RTBDN: variants seen among roughly 807,000 people sequenced by gnomAD.
RTBDN encodes retbindin.
RTBDN carries 24 observed loss-of-function variants against 21.9 expected under a neutral mutation model. The ratio of observed to expected loss-of-function variants is 1.10; its 90% CI spans 0.79 to 1.54. The LOEUF is 1.54. Ranked by LOEUF, RTBDN falls within the 40% of genes most tolerant of loss-of-function variation. RTBDN has a pLI of 0.00. For synonymous variants in RTBDN, 141 were observed against 125.9 expected, an observed-to-expected ratio of 1.12 and a Z score of -0.80; for missense variants, 325 against 315.2, an observed-to-expected ratio of 1.03 and a Z score of -0.23.
chr19:12,826,841 G>A lies in RTBDN; in HGVS notation c.396C>T (p.Cys132=), dbSNP rs754317861. The A allele has an allele frequency of 7.7e-6, 12 of 1,553,562 alleles. No homozygotes were observed. Among genetic ancestry groups the A allele is most frequent in the East Asian group, 4.9e-5 (2 of 41,126 alleles). The change falls in exon 5 of 6, where the codon TGC becomes TGT. Residue 132 remains cysteine, a synonymous_variant. Coordinates refer to ENST00000674343, the MANE Select transcript of RTBDN (RefSeq NM_001270441.2). The part of the protein sequence containing the change: ...WFANCEDDIT[C]GPTWLPLSEK... Reference sequence around the variant, plus strand: ...CTGAGAGTGGGAGCCAAGTCGGGCCGCAGGTGATATCATCTTCGCAGTTGG... The same window carrying A: ...CTGAGAGTGGGAGCCAAGTCGGGCCACAGGTGATATCATCTTCGCAGTTGG...
In RTBDN at chr19:12,825,721, G is replaced by A; in HGVS notation, c.675C>T (p.Ser225=). 6.3e-7 allele frequency: 1 copy of A among 1,581,298 alleles called. No homozygotes were observed. Among genetic ancestry groups the A allele is most frequent in the Non-Finnish European group, 8.6e-7 (1 of 1,165,324 alleles). ...CACGCGTCCGCTAGGGGCCGCTGCC[G>A]CTTCCACTGCCACTCCCGCTGCCCG... ...DAAGSGSGSG[S]GSGP Residue 225 remains serine (S), a synonymous_variant, in exon 6 of 6, where the codon AGC becomes AGT. Transcript: ENST00000674343.
At position 12,830,455 on chromosome 19, in the gene RTBDN, G is replaced by T; in HGVS notation, c.-18-458C>A. The T allele has an allele frequency of 4.0e-6, 4 of 987,698 alleles. No homozygotes were observed. Among genetic ancestry groups the T allele is most frequent in the Non-Finnish European group, 4.8e-6 (4 of 831,436 alleles). The allele number at this position is 987,698 out of a possible 1,614,324, so 61.2% of individuals were successfully genotyped here. On this transcript the variant is annotated intron_variant, in intron 1 of 5. Coordinates refer to ENST00000674343, the MANE Select transcript of RTBDN (RefSeq NM_001270441.2). The surrounding 1 kb of genome is among the most constrained non-coding windows in gnomAD (Gnocchi z 4.2). ...GGTCACCTTCTCTCGGCCCACAATCGGCTTAGGGGCCACCCAGAGCTGGAC... is the reference window on the plus strand; with the variant it reads ...GGTCACCTTCTCTCGGCCCACAATCTGCTTAGGGGCCACCCAGAGCTGGAC...
In RTBDN at chr19:12,830,480, C is replaced by G; in HGVS notation, c.-18-483G>C. 1.0e-6 allele frequency: 1 copy of G among 986,376 alleles called. No individual in the cohort carries two copies. The highest frequency in any genetic ancestry group is 1.2e-6 in the Non-Finnish European group (1 of 830,540). 61.1% of individuals were successfully genotyped at this position (986,376 alleles called of 1,614,324 possible). ...GGCTTAGGGGCCACCCAGAGCTGGA[C>G]CTTTGGGACCAAGGCTGGTGTGGCA... is the stretch of plus-strand genomic sequence containing the variant. On this transcript the variant is annotated intron_variant, in intron 1 of 5. Transcript: ENST00000674343. The surrounding 1 kb of genome is among the most constrained non-coding windows in gnomAD (Gnocchi z 4.2).
Position 12,834,382 on chromosome 19 carries a change from G to T in RTBDN, c.-19+107C>A. The T allele has an allele frequency of 1.2e-6, 1 of 831,612 alleles. No individual in the cohort carries two copies. The highest frequency in any genetic ancestry group is 1.9e-6 in the Non-Finnish European group (1 of 521,514). 51.5% of individuals were successfully genotyped at this position (831,612 alleles called of 1,614,324 possible). ...TGCCCTAGGGCTCATGCCCCTCGGG[G>T]CCATCGGCGCCGCTGGAGGCGTAAA... On this transcript the variant is annotated intron_variant, in intron 1 of 5. Transcript: ENST00000674343. This position sits in a 1 kb window ranked among gnomAD's most constrained non-coding sequence, Gnocchi z 4.7.
Position 12,829,858 on chromosome 19 carries a change from T to A in RTBDN, c.122A>T (p.His41Leu), listed in dbSNP as rs774488377. The A allele has an allele frequency of 6.2e-7, 1 of 1,614,112 alleles. No individual in the cohort carries two copies. The highest frequency in any genetic ancestry group is 1.7e-5 in the Admixed American group (1 of 60,018). ...SRPLQARSQQ[H>L]HGLAADLGKG... ...GCCCAGATCAGCTGCCAGCCCATGGTGTTGCTGGGACCTGGCTTGGAGTGG... is the reference window on the plus strand; with the variant it reads ...GCCCAGATCAGCTGCCAGCCCATGGAGTTGCTGGGACCTGGCTTGGAGTGG... The change falls in exon 2 of 6, where the codon CAC becomes CTC. Residue 41 changes from histidine (H) to leucine (L), a missense_variant. His to Leu is a moderately conservative substitution (Grantham distance 99). Transcript: ENST00000674343.
At chr19:12,835,108 C>A (rs1479110373), upstream of RTBDN, 1 of 1,612,922 alleles carries the variant, frequency 6.2e-7, no homozygotes, top group Non-Finnish European at 8.5e-7. Context: ...TTTCTAGACT[C>A]CCCTAATCCA....
Position 12,828,640 on chromosome 19 carries a change from G to A in RTBDN, c.365+17C>T. 1.3e-6 allele frequency: 2 copies of A among 1,592,750 alleles called. No homozygotes were observed. Among genetic ancestry groups the A allele is most frequent in the Non-Finnish European group, 1.7e-6 (2 of 1,164,658 alleles). On this transcript the variant is annotated intron_variant, in intron 4 of 5. Coordinates refer to ENST00000674343, the MANE Select transcript of RTBDN (RefSeq NM_001270441.2). The stretch of plus-strand genomic sequence containing the variant: ...GCCCAAGTCACAACCCACGCCCCTT[G>A]CCCCCGCGTCTCCTACCAGGCCTGG...
rs2145840666 is a variant in RTBDN at position 12,825,827 on chromosome 19, G to C, written c.569C>G (p.Pro190Arg). 1 of 1,613,498 alleles carries C rather than the reference G, an allele frequency of 6.2e-7. No individual in the cohort carries two copies. The highest frequency in any genetic ancestry group is 8.5e-7 in the Non-Finnish European group (1 of 1,179,822). The change falls in exon 6 of 6, where the codon CCT becomes CGT. Residue 190 changes from proline to arginine, a missense_variant. By Grantham distance (103) the Pro-to-Arg change is moderately radical. Coordinates refer to ENST00000674343, the MANE Select transcript of RTBDN (RefSeq NM_001270441.2). ...GCCCCGTCGTCCTGGTCTGGGACGAGGTACCGCGGAGATGGAGATGTTGAA... is the reference window on the plus strand; with the variant it reads ...GCCCCGTCGTCCTGGTCTGGGACGACGTACCGCGGAGATGGAGATGTTGAA... The part of the protein sequence containing the change: ...HCFNISISAV[P>R]RPRPGRRGRE...
rs762089247 is a variant in RTBDN at position 12,825,756 on chromosome 19, G to A, written c.640C>T (p.Leu214=). The change falls in exon 6 of 6, where the codon CTG becomes TTG. Residue 214 remains leucine, a synonymous_variant. Transcript: ENST00000674343. ...CCACTCCCGCTGCCCGCAGCGTCCA[G>A]GATGGAGGTGCGAGGGCTGCGGGAA... ...RRSRSPRTSI[L]DAAGSGSGSG... 5.6e-6 allele frequency: 9 copies of A among 1,608,324 alleles called. No homozygotes were observed. Among genetic ancestry groups the A allele is most frequent in the Non-Finnish European group, 7.6e-6 (9 of 1,177,644 alleles).
chr19:12,829,492 C>G (rs779729427), intron 2 of RTBDN, among the ~76,000 whole-genome samples: 1 of 152,204 alleles, frequency 6.6e-6, no homozygotes, highest in South Asian at 2.1e-4. Flanking sequence ...CGTGAGCCAC[C>G]GAGCCCTGCT....
rs1390745196 is a variant in RTBDN at position 12,826,204 on chromosome 19, C to T, written c.463-271G>A. 9 of 1,329,760 alleles carry T rather than the reference C, an allele frequency of 6.8e-6. No homozygotes were observed. In the East Asian group the frequency reaches 2.0e-4, roughly 29 times the overall value. 82.4% of individuals were successfully genotyped at this position (1,329,760 alleles called of 1,614,324 possible). A position where few individuals can be genotyped will look rare whatever the true frequency, so the allele number is the denominator to read the frequency against. ...AAGGCTGGGGTTTTGTAGAGAGTGA[C>T]TGGGCTTCTGGGTCCTCCAGGGTAA... On this transcript the variant is annotated intron_variant, in intron 5 of 5. Coordinates refer to ENST00000674343, the MANE Select transcript of RTBDN (RefSeq NM_001270441.2).
chr19:12,833,338 T>C (rs570276919), intron 1 of RTBDN, among the ~76,000 whole-genome samples: 1 of 132,280 alleles, frequency 7.6e-6, no homozygotes, highest in Non-Finnish European at 1.6e-5. Context: ...GGGTCTCTGA[T>C]TGGGGGTATC....
intron 5 of RTBDN, chr19:12,826,569 C>G (rs1969307470): frequency 1.4e-6 from 1 of 707,192 alleles, no homozygotes; most frequent in African/African-American, 1.8e-5. Flanking sequence ...TGGCATGCGC[C>G]TGAAATCCCA....
At chr19:12,827,740 A>G (rs1167682485) in intron 4 of RTBDN, among the ~76,000 whole-genome samples, 1 of 152,136 alleles carries the variant, frequency 6.6e-6, no homozygotes, top group Non-Finnish European at 1.5e-5. Flanking sequence ...AACGACTGAG[A>G]TTACAGGCAC....
At chr19:12,826,317 G>C (rs1568394664) in intron 5 of RTBDN, 2 of 1,222,178 alleles carry the variant, frequency 1.6e-6, no homozygotes, top group East Asian at 5.8e-5. Flanking sequence ...GCACAACCCA[G>C]TAGGAGGTTG....
Position 12,829,820 on chromosome 19 carries a change from G to T in RTBDN, c.160C>A (p.His54Asn). 6.2e-7 allele frequency: 1 copy of T among 1,610,488 alleles called. No individual in the cohort carries two copies. The part of the protein sequence containing the change: ...LAADLGKGKL[H>N]LAGPCCPSEM... ...GGTCTGGGGTGCTCACCTGCCAGGT[G>T]CAGCTTGCCTTTGCCCAGATCAGCT... The change falls in exon 2 of 6, where the codon CAC (histidine) becomes AAC (asparagine). Residue 54 changes from histidine to asparagine, a missense_variant. His to Asn is a moderately conservative substitution (Grantham distance 68). Transcript: ENST00000674343.
Position 12,834,347 on chromosome 19 carries a change from G to A in RTBDN, c.-19+142C>T. On this transcript the variant is annotated intron_variant, in intron 1 of 5. Coordinates refer to ENST00000674343, the MANE Select transcript of RTBDN (RefSeq NM_001270441.2). The surrounding 1 kb of genome is among the most constrained non-coding windows in gnomAD (Gnocchi z 4.7). ...CAGGCTAGGGGTGAGGGGGCGCAGA[G>A]CAAAGTTATTGCCCTAGGGCTCATG... The A allele has an allele frequency of 1.6e-6, 1 of 639,664 alleles. No homozygotes were observed. The highest frequency in any genetic ancestry group is 2.7e-6 in the Non-Finnish European group (1 of 369,716). 39.6% of individuals were successfully genotyped at this position (639,664 alleles called of 1,614,324 possible). A position where few individuals can be genotyped will look rare whatever the true frequency, so the allele number is the denominator to read the frequency against.
At chr19:12,828,978 T>A (rs1466306) in intron 2 of RTBDN, 25 bp from the exon 3 acceptor site, 2 of 1,613,302 alleles carry the variant, frequency 1.2e-6, no homozygotes, top group Admixed American at 3.3e-5. Context: ...CCCTGTGAGC[T>A]AGGGTCTTGG....
chr19:12,830,215 C>T lies in RTBDN; in HGVS notation c.-18-218G>A. 7.6e-7 allele frequency: 1 copy of T among 1,314,152 alleles called. No individual in the cohort carries two copies. 81.4% of individuals were successfully genotyped at this position (1,314,152 alleles called of 1,614,324 possible). On this transcript the variant is annotated intron_variant, in intron 1 of 5. Coordinates refer to ENST00000674343, the MANE Select transcript of RTBDN (RefSeq NM_001270441.2). This position sits in a 1 kb window ranked among gnomAD's most constrained non-coding sequence, Gnocchi z 4.2. ...CCATCAGAACCATGTCCTCTATGTC[C>T]CTTCAGTGCCACCCCAACCAAGCTT...
Sources: gnomAD v4.1 joint callset for allele counts (sites outside exome capture counted in the v4.1 genomes callset) on GRCh38, gnomAD v4.1.1 for gene constraint, Gnocchi (gnomAD v3.1) non-coding constraint, MANE v1.5 for transcripts, NCBI Gene and HGNC (gene_info 2026-07-23, HGNC 2026-07-21) for gene names.